The following KCNB2 variants were observed in gnomAD, a reference collection of about 807,000 sequenced individuals.
The protein encoded by KCNB2 is potassium voltage-gated channel subfamily B member 2.
A neutral mutation model predicts 61.5 loss-of-function variants in KCNB2; 15 were observed. The ratio of observed to expected loss-of-function variants is 0.24; its 90% CI spans 0.16 to 0.38. The LOEUF (loss-of-function observed/expected upper bound fraction) is 0.38, where lower values mean the gene tolerates loss of function less well. Among genes scored for constraint, KCNB2 ranks in the 10% least tolerant of loss-of-function variants. The pLI, the probability that KCNB2 is intolerant of heterozygous loss-of-function variation, is 1.00. For missense variants in KCNB2, 828 were observed against 1,125.2 expected (o/e 0.74, Z 3.78); for synonymous variants, 457 against 446.0 (o/e 1.02, Z -0.31).
At chr8:72,577,071 T>C (rs1371923974) in intron 2 of KCNB2, among the ~76,000 whole-genome samples, 1 of 152,236 alleles carries the variant, frequency 6.6e-6, no homozygotes, top group African/African-American at 2.4e-5. Flanking sequence ...GTTAACTCCT[T>C]AACTAATGCA....
intron 1 of KCNB2, among the ~76,000 whole-genome samples, chr8:72,540,659 T>C (rs1806175619): frequency 6.6e-6 from 1 of 152,156 alleles, no homozygotes. Flanking sequence ...TTCTGTTTCA[T>C]TGCTTATTTC....
chr8:72,849,973 G>T (rs1195318680), intron 2 of KCNB2, among the ~76,000 whole-genome samples: 2 of 152,098 alleles, frequency 1.3e-5, no homozygotes, highest in East Asian at 3.9e-4. Context: ...CATGTGCATT[G>T]TGAGGGCTGG....
chr8:72,586,420 C>A (rs1563531000), intron 2 of KCNB2, among the ~76,000 whole-genome samples: 1 of 152,136 alleles, frequency 6.6e-6, no homozygotes, highest in Admixed American at 6.5e-5. Flanking sequence ...AAATTGAAAT[C>A]ATTTTTGAAA....
intron 2 of KCNB2, among the ~76,000 whole-genome samples, chr8:72,935,151 C>T (rs11784364): frequency 0.29 from 43,696 of 151,976 alleles, 7,634 homozygotes; most frequent in Non-Finnish European, 0.4. Context: ...AGAGCTCAGA[C>T]TGCCTGACTC....
At chr8:72,654,453 C>A (rs1337422710) in intron 2 of KCNB2, among the ~76,000 whole-genome samples, 1 of 152,050 alleles carries the variant, frequency 6.6e-6, no homozygotes, top group Non-Finnish European at 1.5e-5. Context: ...CAACATAATA[C>A]CCAAGGGAGA....
intron 2 of KCNB2, among the ~76,000 whole-genome samples, chr8:72,652,713 T>A (rs983962677): frequency 2.0e-5 from 3 of 152,084 alleles, no homozygotes; most frequent in African/African-American, 7.2e-5. Context: ...ATGCTGGACA[T>A]TAATATGTTT....
Position 72,579,184 on chromosome 8 carries a change from T to G in KCNB2, c.579+10871T>G, listed in dbSNP as rs567058101. ...CTGCCTGCTCCGCTCAGAGCCCCAC[T>G]GAGCCCCTCGAGAGCCCTCCTCACC... On this transcript the variant is annotated intron_variant, in intron 2 of 2. Coordinates refer to ENST00000523207, the MANE Select transcript of KCNB2 (RefSeq NM_004770.3). Among the ~76,000 whole-genome samples the G allele has an allele frequency of 3.5e-4, 54 of 152,326 alleles. 1 individual carries two copies. The highest frequency in any genetic ancestry group is 3.2e-3 in the Admixed American group (49 of 15,296).
intron 2 of KCNB2, among the ~76,000 whole-genome samples, chr8:72,731,559 G>C (rs929174833): frequency 2.0e-5 from 3 of 152,206 alleles, no homozygotes; most frequent in African/African-American, 7.2e-5. Flanking sequence ...TTTGGGCAAG[G>C]CCACTTCCTC....
chr8:72,690,114 T>C lies in KCNB2; in HGVS notation c.579+121801T>C, dbSNP rs538056837. ...TAGGGTGCTATAAGAAATATATTTTTTTCTGAAGCCAATCTGCCATATTTT... is the reference window on the plus strand; with the variant it reads ...TAGGGTGCTATAAGAAATATATTTTCTTCTGAAGCCAATCTGCCATATTTT... On this transcript the variant is annotated intron_variant, in intron 2 of 2. Transcript: ENST00000523207. Among the ~76,000 whole-genome samples the C allele has an allele frequency of 3.3e-5, 5 of 152,326 alleles. No homozygotes were observed. The South Asian group carries it at 1.0e-3, about 32-fold the overall frequency.
At chr8:72,900,251 C>T (rs756389400) in intron 2 of KCNB2, among the ~76,000 whole-genome samples, 5 of 152,132 alleles carry the variant, frequency 3.3e-5, no homozygotes, top group Non-Finnish European at 7.4e-5. Flanking sequence ...AAGGAAAGAA[C>T]TCCCTATTCA....
chr8:72,560,544 C>T (rs753125594), intron 1 of KCNB2, among the ~76,000 whole-genome samples: 2 of 152,154 alleles, frequency 1.3e-5, no homozygotes, highest in East Asian at 3.9e-4. Flanking sequence ...TCATCTTTAT[C>T]GCCTTCATTA....
At chr8:72,648,680 C>T (rs1295251671) in intron 2 of KCNB2, among the ~76,000 whole-genome samples, 1 of 151,398 alleles carries the variant, frequency 6.6e-6, no homozygotes, top group African/African-American at 2.4e-5. Flanking sequence ...CTTATTTTAG[C>T]TCACAAGCTG....
At chr8:72,589,293 T>C (rs929846710) in intron 2 of KCNB2, among the ~76,000 whole-genome samples, 1 of 152,188 alleles carries the variant, frequency 6.6e-6, no homozygotes, top group African/African-American at 2.4e-5. Context: ...TTTTGGACTA[T>C]GTGTCGTCTA....
chr8:72,810,137 G>A (rs1180508105), intron 2 of KCNB2, among the ~76,000 whole-genome samples: 1 of 152,178 alleles, frequency 6.6e-6, no homozygotes, highest in Non-Finnish European at 1.5e-5. Flanking sequence ...GGAATGTCTT[G>A]AGAAAATGCC....
At position 72,937,432 on chromosome 8, in the gene KCNB2, T is replaced by C; in HGVS notation, c.2077T>C (p.Ser693Pro). ...SQCGLHSPLQSDNATDSPKSS... is the reference protein window; with the variant it reads ...SQCGLHSPLQPDNATDSPKSS... Reference sequence around the variant, plus strand: ...GTGTGGGCTACATAGTCCTTTGCAGTCTGACAATGCCACCGACAGTCCTAA... The same window carrying C: ...GTGTGGGCTACATAGTCCTTTGCAGCCTGACAATGCCACCGACAGTCCTAA... The change falls in exon 3 of 3, where the codon TCT becomes CCT. Residue 693 changes from serine to proline, a missense_variant. Around this residue, in one of 4 missense-constraint regions of KCNB2, gnomAD observed 559 missense variants for 588.4 expected, o/e 0.95. Transcript: ENST00000523207. 6.2e-7 allele frequency: 1 copy of C among 1,613,890 alleles called. No homozygotes were observed. The highest frequency in any genetic ancestry group is 8.5e-7 in the Non-Finnish European group (1 of 1,179,960).
intron 2 of KCNB2, among the ~76,000 whole-genome samples, chr8:72,597,235 C>T (rs185619587): frequency 8.0e-4 from 122 of 152,058 alleles, no homozygotes; most frequent in African/African-American, 2.7e-3. Context: ...GGGGTTTCAC[C>T]GTGTTGGCCA....
At chr8:72,654,975 T>C (rs1316834466) in intron 2 of KCNB2, among the ~76,000 whole-genome samples, 1 of 152,144 alleles carries the variant, frequency 6.6e-6, no homozygotes, top group African/African-American at 2.4e-5. Flanking sequence ...TGAATCATTC[T>C]TCCATAAAGA....
At chr8:72,617,524 T>C (rs530212044) in intron 2 of KCNB2, among the ~76,000 whole-genome samples, 2 of 152,080 alleles carry the variant, frequency 1.3e-5, no homozygotes, top group South Asian at 2.1e-4. Context: ...AAATTTCCAT[T>C]TGGTCCTCAC....
rs182935557 is a variant in KCNB2, at chr8:72,897,742, T to A, written c.580-38193T>A. 1.2e-4 allele frequency among the ~76,000 whole-genome samples: 19 copies of A among 152,300 alleles called. No individual in the cohort carries two copies. The East Asian group carries it at 3.5e-3, about 28-fold the overall frequency. On this transcript the variant is annotated intron_variant, in intron 2 of 2. Transcript: ENST00000523207. Reference sequence around the variant, plus strand: ...GTTTTGATCATACCTTTGAAAGCACTATTGCTTGGGGAGGAGGGATGGCTG... The same window carrying A: ...GTTTTGATCATACCTTTGAAAGCACAATTGCTTGGGGAGGAGGGATGGCTG...
Sources: allele counts gnomAD v4.1 joint callset (sites outside exome capture counted in the v4.1 genomes callset), GRCh38; gene constraint gnomAD v4.1.1; regional missense constraint gnomAD v4.1.1; transcripts MANE v1.5; gene names NCBI Gene and HGNC (gene_info 2026-07-23, HGNC 2026-07-21).